Variants in AUH observed in about 807,000 individuals in gnomAD.
AUH encodes the protein AU RNA binding methylglutaconyl-CoA hydratase, also known as methylglutaconyl-CoA hydratase, mitochondrial.
A neutral mutation model predicts 42.3 loss-of-function variants in AUH; 29 were observed. The observed-to-expected ratio is 0.69, with a 90% CI of 0.51 to 0.93. The LOEUF (loss-of-function observed/expected upper bound fraction) is 0.93. AUH is among the 40% of genes least tolerant of loss of function. The probability of loss-of-function intolerance (pLI) is 0.00; values close to 1 mark genes in which losing one functional copy is unlikely to be tolerated. For synonymous variants in AUH, 174 were observed against 166.4 expected (o/e 1.05, Z -0.35); for missense variants, 452 against 438.1 (o/e 1.03, Z -0.28).
At chr9:91,232,674 T>C (rs973773278) in intron 6 of AUH, among the ~76,000 whole-genome samples, 10 of 152,246 alleles carry the variant, frequency 6.6e-5, no homozygotes, top group African/African-American at 1.9e-4. Flanking sequence ...CCTTGGCCAC[T>C]GCCCTTCCCT....
intron 6 of AUH, among the ~76,000 whole-genome samples, chr9:91,221,271 A>T (rs2131218004): frequency 6.6e-6 from 1 of 152,352 alleles, no homozygotes; most frequent in East Asian, 1.9e-4. Flanking sequence ...TCCAATCCAC[A>T]GTCATCACCC....
intron 6 of AUH, among the ~76,000 whole-genome samples, chr9:91,278,246 A>G (rs187236735): frequency 2.0e-5 from 3 of 152,380 alleles, no homozygotes; most frequent in Non-Finnish European, 4.4e-5. Context: ...TGAAAAAATA[A>G]CGGGGAAAGC....
intron 4 of AUH, among the ~76,000 whole-genome samples, chr9:91,320,871 TA>T (rs765705169): frequency 6.6e-6 from 1 of 152,216 alleles, no homozygotes; most frequent in Non-Finnish European, 1.5e-5. Context: ...TTCAAATCAC[TA>T]AAAAATTTTT....
intron 4 of AUH, among the ~76,000 whole-genome samples, chr9:91,304,084 A>G (rs926533784): frequency 6.6e-6 from 1 of 152,218 alleles, no homozygotes; most frequent in Admixed American, 6.5e-5. Flanking sequence ...TAAATATGAC[A>G]CTTCGATTCT....
At chr9:91,249,292 C>CAAAAAAAAAAAAAAAAAAA in intron 6 of AUH, among the ~76,000 whole-genome samples, 1 of 32,532 alleles carries the variant, frequency 3.1e-5, no homozygotes, top group Non-Finnish European at 6.0e-5. Context: ...GAACCTGTCT[C>CAAAAAAAAAAAAAAAAAAA]AAAAAAAAAA....
intron 4 of AUH, among the ~76,000 whole-genome samples, chr9:91,303,045 T>C (rs1827928779): frequency 6.6e-6 from 1 of 151,922 alleles, no homozygotes; most frequent in Admixed American, 6.6e-5. Flanking sequence ...ACAAAGAAGA[T>C]AATAATCCTT....
At chr9:91,303,607 G>A (rs550353492) in intron 4 of AUH, among the ~76,000 whole-genome samples, 5 of 152,276 alleles carry the variant, frequency 3.3e-5, no homozygotes, top group South Asian at 2.1e-4. Context: ...GATTACAGGC[G>A]TAAGCCACTG....
At position 91,355,946 on chromosome 9, in the gene AUH, T is replaced by G; in HGVS notation, c.355A>C (p.Lys119Gln). 2 of 1,613,618 alleles carry G rather than the reference T, an allele frequency of 1.2e-6. No homozygotes were observed. Among genetic ancestry groups the G allele is most frequent in the Non-Finnish European group, 1.7e-6 (2 of 1,179,758 alleles). Reference sequence around the variant, plus strand: ...ATGGTCCGTACTTTCTTATCAGATTTCAAAGCATCCACAGCTTTTGATAGC... The same window carrying G: ...ATGGTCCGTACTTTCTTATCAGATTGCAAAGCATCCACAGCTTTTGATAGC... ...KMLSKAVDAL[K>Q]SDKKVRTIII... Residue 119 changes from lysine to glutamine, a missense_variant, in exon 3 of 10, where the codon AAA (lysine) becomes CAA (glutamine). Transcript: ENST00000375731.
At chr9:91,347,432 G>T (rs1017098633) in intron 3 of AUH, among the ~76,000 whole-genome samples, 12 of 152,122 alleles carry the variant, frequency 7.9e-5, no homozygotes, top group African/African-American at 2.7e-4. Flanking sequence ...TAAATCACTG[G>T]CCACTGGTAA....
chr9:91,241,049 C>T (rs1828487073), intron 6 of AUH, among the ~76,000 whole-genome samples: 1 of 152,180 alleles, frequency 6.6e-6, no homozygotes, highest in African/African-American at 2.4e-5. Flanking sequence ...AGAAGGAAGA[C>T]ATTCAGAATC....
At chr9:91,298,876 G>A (rs1299635395) in intron 4 of AUH, among the ~76,000 whole-genome samples, 3 of 152,256 alleles carry the variant, frequency 2.0e-5, no homozygotes, top group Admixed American at 6.5e-5. Context: ...CTATGGGAAT[G>A]TGAAGCAAGG....
intron 6 of AUH, among the ~76,000 whole-genome samples, chr9:91,227,165 T>A (rs1403362302): frequency 1.3e-5 from 2 of 150,984 alleles, no homozygotes; most frequent in Admixed American, 1.3e-4. Flanking sequence ...TTCACGATAT[T>A]GATTCTTCCT....
intron 4 of AUH, among the ~76,000 whole-genome samples, chr9:91,309,406 A>G (rs1232937737): frequency 6.6e-6 from 1 of 151,922 alleles, no homozygotes; most frequent in Non-Finnish European, 1.5e-5. Context: ...TTCTTGAAAC[A>G]TTTTCTTCAC....
intron 4 of AUH, chr9:91,306,264 C>T (rs780752574): frequency 1.8e-5 from 13 of 731,592 alleles, no homozygotes; most frequent in Non-Finnish European, 2.2e-5. Context: ...GGGAAATGCA[C>T]AGATGACAGG....
rs547245292 is a variant in AUH at position 91,328,761 on chromosome 9, T to C, written c.419-3357A>G. ...TTGATAAAATTCAATATTCATTCCT[T>C]AACATCTTCACTGAAGAATAATTTA... On this transcript the variant is annotated intron_variant, in intron 3 of 9. Transcript: ENST00000375731. 4.0e-4 allele frequency among the ~76,000 whole-genome samples: 61 copies of C among 152,350 alleles called. 1 individual carries two copies. The highest frequency in any genetic ancestry group is 6.6e-4 in the Non-Finnish European group (45 of 68,036).
At chr9:91,335,388 G>A (rs1159580825) in intron 3 of AUH, among the ~76,000 whole-genome samples, 3 of 152,066 alleles carry the variant, frequency 2.0e-5, no homozygotes, top group Admixed American at 1.3e-4. Context: ...AATCTCTGTG[G>A]AATTTATATC....
At chr9:91,274,035 G>A (rs1825361306) in intron 6 of AUH, among the ~76,000 whole-genome samples, 1 of 152,188 alleles carries the variant, frequency 6.6e-6, no homozygotes. Context: ...CTCTCAAGGT[G>A]TTATGTAGGG....
chr9:91,282,043 T>C (rs898010860), intron 6 of AUH, among the ~76,000 whole-genome samples: 1 of 152,148 alleles, frequency 6.6e-6, no homozygotes, highest in Non-Finnish European at 1.5e-5. Context: ...ACAGTGGCTA[T>C]AAGACCTCTA....
intron 4 of AUH, among the ~76,000 whole-genome samples, chr9:91,313,274 G>A (rs1201818920): frequency 3.3e-5 from 5 of 152,178 alleles, no homozygotes; most frequent in Admixed American, 1.3e-4. Flanking sequence ...TTGAGCAGGA[G>A]CTCAGTCCAA....
Sources: gnomAD v4.1 joint callset for allele counts (sites outside exome capture counted in the v4.1 genomes callset) on GRCh38, gnomAD v4.1.1 for gene constraint, MANE v1.5 for transcripts, NCBI Gene and HGNC (gene_info 2026-07-23, HGNC 2026-07-21) for gene names.